CASTOR2: variants seen among roughly 807,000 people sequenced by gnomAD.
The protein encoded by CASTOR2 is GATS protein like 2.
Under a neutral mutation model 31.2 loss-of-function variants are expected in CASTOR2, and 8 were observed. The ratio of observed to expected loss-of-function variants is 0.26; its 90% confidence interval spans 0.15 to 0.46. The LOEUF is 0.46. Ranked by LOEUF, CASTOR2 falls within the 20% of genes least tolerant of loss-of-function variation. The pLI is 0.99. For synonymous variants in CASTOR2, 162 were observed against 158.7 expected, an observed-to-expected ratio of 1.02 and a Z score of -0.16; for missense variants, 216 against 382.1, an observed-to-expected ratio of 0.57 and a Z score of 3.62.
intron 1 of CASTOR2, 198 bp from the exon 2 acceptor site, chr7:75,007,796 A>G: frequency 1.4e-6 from 1 of 702,062 alleles, no homozygotes; most frequent in Non-Finnish European, 2.5e-6. Context: ...GACAATCAGC[A>G]TCTCTGTGCC....
In CASTOR2 at chr7:74,964,736, C is replaced by G. The variant is rs1325581557; in HGVS notation, c.-250C>G. On this transcript the variant is annotated 5_prime_UTR_variant, in exon 1 of 9. Transcript: ENST00000616305. ...TCCCCGCGCCGGGCGCCGCGCGCCG[C>G]TGCTCCGCCGCTCGGCCCCTCGGCT... 1 of 95,970 alleles carries G rather than the reference C, an allele frequency of 1.0e-5. No homozygotes were observed. The highest frequency in any genetic ancestry group is 2.1e-5 in the Non-Finnish European group (1 of 48,322). 5.9% of individuals were successfully genotyped at this position (95,970 alleles called of 1,614,324 possible).
intron 2 of CASTOR2, 148 bp downstream of exon 2, chr7:75,008,212 G>A: frequency 1.8e-6 from 2 of 1,092,280 alleles, no homozygotes; most frequent in Admixed American, 1.9e-5. Context: ...TGGTCAGCTG[G>A]AAAAACAGCA....
intron 1 of CASTOR2, among the ~76,000 whole-genome samples, chr7:75,004,915 G>C (rs1804573393): frequency 6.6e-6 from 1 of 152,010 alleles, no homozygotes; most frequent in South Asian, 2.1e-4. Context: ...ACCCAGGCTG[G>C]AGTGTAGTGG....
intron 2 of CASTOR2, among the ~76,000 whole-genome samples, chr7:75,016,536 A>AG (rs1411451739): frequency 3.9e-5 from 6 of 152,170 alleles, no homozygotes; most frequent in South Asian, 4.1e-4. Flanking sequence ...GGCTGGCTGA[A>AG]GGGGGAAGAG....
chr7:74,987,219 A>G (rs1321131810), intron 1 of CASTOR2, among the ~76,000 whole-genome samples: 2 of 152,100 alleles, frequency 1.3e-5, no homozygotes, highest in African/African-American at 4.8e-5. Flanking sequence ...AGCCTGGCCA[A>G]CATGGTGAAA....
chr7:74,975,415 G>C (rs1554435546), intron 1 of CASTOR2, among the ~76,000 whole-genome samples: 1 of 144,366 alleles, frequency 6.9e-6, no homozygotes, highest in Non-Finnish European at 1.5e-5. Flanking sequence ...CCAGCTGCTG[G>C]TGGTTTTAAA....
At chr7:74,998,742 A>T (rs1804418367) in intron 1 of CASTOR2, among the ~76,000 whole-genome samples, 1 of 151,900 alleles carries the variant, frequency 6.6e-6, no homozygotes, top group African/African-American at 2.4e-5. Flanking sequence ...GGAGATCCAA[A>T]ATCAGTGATT....
chr7:74,993,328 C>T (rs1163734332), intron 1 of CASTOR2, among the ~76,000 whole-genome samples: 1 of 152,002 alleles, frequency 6.6e-6, no homozygotes, highest in Non-Finnish European at 1.5e-5. Flanking sequence ...CTGGGCCAGT[C>T]TCTGTTCAGG....
chr7:75,018,606 G>T (rs1380713264), intron 4 of CASTOR2, among the ~76,000 whole-genome samples: 2 of 152,182 alleles, frequency 1.3e-5, no homozygotes, highest in Non-Finnish European at 2.9e-5. Flanking sequence ...AAGGGTGGTG[G>T]ACGTGCATGC....
At chr7:74,977,547 AT>A (rs1394360790) in intron 1 of CASTOR2, among the ~76,000 whole-genome samples, 12 of 145,530 alleles carry the variant, frequency 8.2e-5, no homozygotes, top group Non-Finnish European at 1.8e-4. Context: ...CGCCTGGCTA[AT>A]TTTTTTGTAT....
At chr7:75,007,892 C>A in intron 1 of CASTOR2, 102 bp from the exon 2 acceptor site, 1 of 1,570,262 alleles carries the variant, frequency 6.4e-7, no homozygotes, top group Non-Finnish European at 8.8e-7. Flanking sequence ...GGGGCCGGAA[C>A]TCTGGGTGAA....
chr7:74,977,630 C>G (rs1382832505), intron 1 of CASTOR2, among the ~76,000 whole-genome samples: 1 of 149,716 alleles, frequency 6.7e-6, no homozygotes, highest in African/African-American at 2.5e-5. Context: ...ATCTACCCGC[C>G]TCAGCTTCCC....
intron 6 of CASTOR2, 136 bp from the exon 7 acceptor site, chr7:75,021,738 G>GT: frequency 9.4e-7 from 1 of 1,061,324 alleles, no homozygotes; most frequent in Non-Finnish European, 1.4e-6. Flanking sequence ...GGAAGGGATT[G>GT]TTTTTGGGGG....
intron 1 of CASTOR2, among the ~76,000 whole-genome samples, chr7:75,001,449 G>C (rs1257249572): frequency 6.6e-6 from 1 of 152,190 alleles, no homozygotes; most frequent in Non-Finnish European, 1.5e-5. Flanking sequence ...CCTCTTTCCA[G>C]CTCTTTGTAG....
chr7:75,028,194 TGCA>T lies in CASTOR2; in HGVS notation c.*3499_*3501del. On this transcript the variant is annotated 3_prime_UTR_variant, in exon 9 of 9. Coordinates refer to ENST00000616305, the MANE Select transcript of CASTOR2 (RefSeq NM_001145064.3). ...GTGCTGTGGCATGATCTCAGCTCAC[TGCA>T]GCAACCTCCACTTCCTGGGTTCAAG... 1.0e-6 allele frequency: 1 copy of T among 958,588 alleles called. No homozygotes were observed. The highest frequency in any genetic ancestry group is 1.8e-5 in the South Asian group (1 of 56,844). The allele number at this position is 958,588 out of a possible 1,614,324, so 59.4% of individuals were successfully genotyped here.
rs1192624461 is a variant in CASTOR2 at position 75,025,412 on chromosome 7, G to C, written c.*713G>C. On this transcript the variant is annotated 3_prime_UTR_variant, in exon 9 of 9. Coordinates refer to ENST00000616305, the MANE Select transcript of CASTOR2 (RefSeq NM_001145064.3). ...AGCACTCAGTCCTTGGGGGAGGAGG[G>C]AGGGTCCCAGGAGACCCACCAGCCT... Among the ~76,000 whole-genome samples the C allele has an allele frequency of 6.6e-6, 1 of 152,174 alleles. No individual in the cohort carries two copies. The highest frequency in any genetic ancestry group is 2.4e-5 in the African/African-American group (1 of 41,448).
At chr7:74,992,985 G>T (rs587723618) in intron 1 of CASTOR2, among the ~76,000 whole-genome samples, 18 of 152,104 alleles carry the variant, frequency 1.2e-4, no homozygotes, top group African/African-American at 3.9e-4. Context: ...TGGATCATGA[G>T]GTCAAGAGAT....
At chr7:75,001,434 T>G (rs1483503619) in intron 1 of CASTOR2, among the ~76,000 whole-genome samples, 5 of 152,158 alleles carry the variant, frequency 3.3e-5, no homozygotes, top group African/African-American at 1.2e-4. Context: ...TTTCTGGCAT[T>G]TGCTCCTCTT....
chr7:75,008,563 G>A (rs1479841414), intron 2 of CASTOR2, among the ~76,000 whole-genome samples: 4 of 152,032 alleles, frequency 2.6e-5, no homozygotes, highest in Non-Finnish European at 5.9e-5. Context: ...GGACATGATG[G>A]CATGTTCCTG....
Sources: allele counts gnomAD v4.1 joint callset (sites outside exome capture counted in the v4.1 genomes callset), GRCh38; gene constraint gnomAD v4.1.1; transcripts MANE v1.5; gene names NCBI Gene and HGNC (gene_info 2026-07-23, HGNC 2026-07-21).